Variants in DNAH6 observed in about 807,000 individuals in gnomAD.
DNAH6 encodes axonemal beta dynein heavy chain 6.
In DNAH6, 340 loss-of-function variants were observed where a neutral mutation model predicts 491.4. That is an observed-to-expected ratio of 0.69 (90% confidence interval 0.63 to 0.76). The LOEUF (loss-of-function observed/expected upper bound fraction) is 0.76, where lower values mean the gene tolerates loss of function less well. DNAH6 is among the 30% of genes least tolerant of loss of function. The pLI is 0.00. For missense variants in DNAH6, 4,443 were observed against 4,972.2 expected (o/e 0.89, Z 3.20); for synonymous variants, 1,603 against 1,686.1 (o/e 0.95, Z 1.21).
chr2:84,810,881 G>A (rs1394893774), intron 72 of DNAH6, among the ~76,000 whole-genome samples: 1 of 152,166 alleles, frequency 6.6e-6, no homozygotes, highest in Non-Finnish European at 1.5e-5. Flanking sequence ...TGGGAGAATC[G>A]ACTGCAACAT....
chr2:84,718,441 A>G (rs1445309318), intron 59 of DNAH6, 57 bp downstream of exon 59: 1 of 1,395,662 alleles, frequency 7.2e-7, no homozygotes, highest in Admixed American at 2.8e-5. Flanking sequence ...AGTTATAACT[A>G]CAGCCTTTGA....
chr2:84,818,567 C>A (rs1289456667), intron 76 of DNAH6, among the ~76,000 whole-genome samples: 3 of 150,936 alleles, frequency 2.0e-5, no homozygotes, highest in African/African-American at 7.3e-5. Context: ...CTAACCACCC[C>A]TTACAGGAAG....
rs1231636588 is a variant in DNAH6 at position 84,815,864 on chromosome 2, C to A, written c.12154C>A (p.Pro4052Thr). ...GQELPMDMEL[P>T]SPEDGVLVHG... ...GAGACTTGTGGGTATCTTTCAGTTG[C>A]CCTCTCCTGAGGATGGTGTTCTTGT... is the stretch of plus-strand genomic sequence containing the variant. The change falls in exon 76 of 77, where the codon CCC becomes ACC. Residue 4052 changes from proline to threonine, a missense_variant. Coordinates refer to ENST00000389394, the MANE Select transcript of DNAH6 (RefSeq NM_001370.2). The A allele has an allele frequency of 6.5e-7, 1 of 1,548,704 alleles. No individual in the cohort carries two copies. The highest frequency in any genetic ancestry group is 2.4e-5 in the East Asian group (1 of 40,902).
intron 70 of DNAH6, among the ~76,000 whole-genome samples, chr2:84,802,613 G>A (rs552896596): frequency 5.1e-4 from 78 of 152,010 alleles, no homozygotes; most frequent in Non-Finnish European, 9.4e-4. Flanking sequence ...GGAGCAGGGG[G>A]TGGGGGGACT....
chr2:84,482,352 A>C, the DNAH6 span, among the ~76,000 whole-genome samples: 1 of 152,212 alleles, frequency 6.6e-6, no homozygotes, highest in South Asian at 2.1e-4. Flanking sequence ...TTATTTTTAC[A>C]GTGGTATTGG....
the DNAH6 span, among the ~76,000 whole-genome samples, chr2:84,486,220 A>G: frequency 6.6e-6 from 1 of 152,142 alleles, no homozygotes; most frequent in Admixed American, 6.5e-5. Context: ...CTACCCTTAA[A>G]CTACTCAACC....
intron 2 of DNAH6, among the ~76,000 whole-genome samples, chr2:84,522,316 A>G (rs2104418202): frequency 6.6e-6 from 1 of 152,238 alleles, no homozygotes; most frequent in Non-Finnish European, 1.5e-5. Flanking sequence ...ATTTTGGTAC[A>G]TTAATTTTTG....
At chr2:84,763,433 T>G (rs886940935) in intron 64 of DNAH6, among the ~76,000 whole-genome samples, 1 of 151,920 alleles carries the variant, frequency 6.6e-6, no homozygotes, top group African/African-American at 2.4e-5. Flanking sequence ...GCTGATTTGG[T>G]TTTTTTTAAT....
chr2:84,812,270 C>T, intron 72 of DNAH6, 71 bp from the exon 73 acceptor site: 1 of 1,413,050 alleles, frequency 7.1e-7, no homozygotes, highest in Non-Finnish European at 9.6e-7. Context: ...CCCCTGCTGT[C>T]ATTAATGTGT....
chr2:84,514,076 C>T (rs1450139550), upstream of DNAH6, among the ~76,000 whole-genome samples: 4 of 152,166 alleles, frequency 2.6e-5, no homozygotes, highest in East Asian at 7.7e-4. Flanking sequence ...GCATTAATCC[C>T]TGAAGCTATA....
intron 45 of DNAH6, among the ~76,000 whole-genome samples, chr2:84,689,437 CGCCGCTGGA>C (rs1481208930): frequency 6.6e-6 from 1 of 152,036 alleles, no homozygotes; most frequent in East Asian, 1.9e-4. Flanking sequence ...GTAATCAGAC[CGCCGCTGGA>C]GTGCCTGGAG....
At chr2:84,761,403 C>T (rs1674567862) in intron 63 of DNAH6, among the ~76,000 whole-genome samples, 1 of 151,904 alleles carries the variant, frequency 6.6e-6, no homozygotes, top group African/African-American at 2.4e-5. Flanking sequence ...GATGGAAACC[C>T]TAAAAGCTGT....
chr2:84,704,084 G>GGAGGATGAAGCAACAGCAAAAGTC lies in DNAH6; in HGVS notation c.8248_8271dup (p.Glu2750_Val2757dup). On this transcript the variant is annotated inframe_insertion, in exon 51 of 77. Transcript: ENST00000389394. The stretch of plus-strand genomic sequence containing the variant: ...ATGGTTAGGTCCGTAACACTGTGCA[G>GGAGGATGAAGCAACAGCAAAAGTC]GAGGATGAAGCAACAGCAAAAGTCA... 6.4e-7 allele frequency: 1 copy of GGAGGATGAAGCAACAGCAAAAGTC among 1,551,734 alleles called. No homozygotes were observed.
chr2:84,688,545 A>G lies in DNAH6; in HGVS notation c.7244A>G (p.Lys2415Arg). ...GATGATTATAATCTCACAAATCCCA[A>G]AGAAGTAAAGTTGGTGTTCTTCCAG... Reference protein sequence around the residue: ...YLDDYNLTNPKEVKLVFFQDA... With the variant: ...YLDDYNLTNPREVKLVFFQDA... Residue 2415 changes from lysine to arginine, a missense_variant, in exon 45 of 77, where the codon AAA becomes AGA. By Grantham distance (26) the Lys-to-Arg change is conservative (BLOSUM62 2). This residue lies in a region of DNAH6 where 2,977 missense variants were observed against 3,296.6 expected (regional missense o/e 0.90). Transcript: ENST00000389394. 1 of 1,545,238 alleles carries G rather than the reference A, an allele frequency of 6.5e-7. No homozygotes were observed. Among genetic ancestry groups the G allele is most frequent in the Non-Finnish European group, 8.7e-7 (1 of 1,145,768 alleles).
chr2:84,634,775 T>G, intron 30 of DNAH6, 134 bp downstream of exon 30: 1 of 1,048,306 alleles, frequency 9.5e-7, no homozygotes. Flanking sequence ...GGACCTTGGC[T>G]CTCCAGAGCT....
intron 33 of DNAH6, among the ~76,000 whole-genome samples, chr2:84,652,108 A>G (rs1690506253): frequency 6.6e-6 from 1 of 152,042 alleles, no homozygotes; most frequent in African/African-American, 2.4e-5. Context: ...ATTCCTATAC[A>G]TATATCTTTG....
At chr2:84,503,805 T>C in the DNAH6 span, among the ~76,000 whole-genome samples, 5 of 152,124 alleles carry the variant, frequency 3.3e-5, no homozygotes, top group Admixed American at 3.3e-4. Flanking sequence ...TTTGTTTCTT[T>C]ACTGTTGTTG....
rs755118265 is a variant in DNAH6, at chr2:84,619,735, G to A, written c.3623G>A (p.Arg1208Gln). 10 of 1,551,584 alleles carry A rather than the reference G, an allele frequency of 6.4e-6. No individual in the cohort carries two copies. Among genetic ancestry groups the A allele is most frequent in the South Asian group, 2.4e-5 (2 of 84,056 alleles). The change falls in exon 24 of 77, where the codon CGA becomes CAA. Residue 1208 changes from arginine to glutamine, a missense_variant. By Grantham distance (43) the Arg-to-Gln change is conservative. Around this residue, in one of 3 missense-constraint regions of DNAH6, gnomAD observed 2,977 missense variants for 3,296.6 expected, o/e 0.90. Coordinates refer to ENST00000389394, the MANE Select transcript of DNAH6 (RefSeq NM_001370.2). ...DELLEILAQT[R>Q]NPQAVQPHLR... is the part of the protein sequence containing the mutation. The stretch of plus-strand genomic sequence containing the variant: ...CTTCTGGAGATTTTGGCCCAGACAC[G>A]AAATCCACAGGCCGTGCAGCCACAC...
chr2:84,641,723 G>A (rs2104505693), intron 32 of DNAH6, among the ~76,000 whole-genome samples: 1 of 152,274 alleles, frequency 6.6e-6, no homozygotes, highest in African/African-American at 2.4e-5. Context: ...GATTGGGGAG[G>A]GTGATGAGAA....
Sources: gnomAD v4.1 joint callset for allele counts (sites outside exome capture counted in the v4.1 genomes callset) on GRCh38, gnomAD v4.1.1 for gene constraint, gnomAD v4.1.1 regional missense constraint, MANE v1.5 for transcripts, NCBI Gene and HGNC (gene_info 2026-07-23, HGNC 2026-07-21) for gene names.